IP6K1: variants seen among roughly 807,000 people sequenced by gnomAD.
IP6K1 encodes the protein ATP:1D-myo-inositol-hexakisphosphate phosphotransferase.
IP6K1 carries 13 observed loss-of-function variants against 38.3 expected under a neutral mutation model. That is an observed-to-expected ratio of 0.34 (90% CI 0.22 to 0.54). The LOEUF (loss-of-function observed/expected upper bound fraction) is 0.54. IP6K1 is among the 20% of genes least tolerant of loss of function. The pLI is 0.92. For synonymous variants in IP6K1, 212 were observed against 229.9 expected (o/e 0.92, Z 0.70); for missense variants, 397 against 599.8 (o/e 0.66, Z 3.53).
At chr3:49,752,756 CT>C (rs769412230) in intron 1 of IP6K1, among the ~76,000 whole-genome samples, 292 of 136,484 alleles carry the variant, frequency 2.1e-3, no homozygotes, top group Middle Eastern at 3.8e-3. Flanking sequence ...TGCGCCTAGC[CT>C]TTTTTTTTTT....
intron 1 of IP6K1, among the ~76,000 whole-genome samples, chr3:49,755,642 C>T (rs913228240): frequency 4.9e-4 from 74 of 152,128 alleles, no homozygotes; most frequent in Admixed American, 1.3e-4. Flanking sequence ...AAAAGAACAA[C>T]ACATAAAACT....
At chr3:49,762,838 C>T (rs186238980) in intron 1 of IP6K1, among the ~76,000 whole-genome samples, 121 of 151,740 alleles carry the variant, frequency 8.0e-4, no homozygotes, top group African/African-American at 2.5e-3. Context: ...ATGGCACAAT[C>T]CCAGCTCATG....
At position 49,728,087 on chromosome 3, in the gene IP6K1, A is replaced by T; in HGVS notation, c.792+16T>A. ...TGCAAGTGGCAGCACCTAGGCTCTG[A>T]GCAGAGGTAACTCACCTGCATGCCG... On this transcript the variant is annotated intron_variant, in intron 5 of 5. Coordinates refer to ENST00000321599, the MANE Select transcript of IP6K1 (RefSeq NM_153273.4). 1 of 1,608,024 alleles carries T rather than the reference A, an allele frequency of 6.2e-7. No homozygotes were observed. The highest frequency in any genetic ancestry group is 8.5e-7 in the Non-Finnish European group (1 of 1,176,092).
At chr3:49,774,286 T>C (rs2080986422) in intron 1 of IP6K1, among the ~76,000 whole-genome samples, 1 of 150,690 alleles carries the variant, frequency 6.6e-6, no homozygotes, top group Non-Finnish European at 1.5e-5. Flanking sequence ...CGGGTGCCTG[T>C]AGTCCCAGCT....
rs752046386 is a variant in IP6K1, at chr3:49,728,329, C to A, written c.617-51G>T. The A allele has an allele frequency of 1.1e-5, 18 of 1,578,766 alleles. No individual in the cohort carries two copies. In the South Asian group the frequency reaches 1.9e-4, roughly 17 times the overall value. On this transcript the variant is annotated intron_variant, in intron 4 of 5. Coordinates refer to ENST00000321599, the MANE Select transcript of IP6K1 (RefSeq NM_153273.4). ...AACCACACTCACCATCAGCCCCAGC[C>A]AGGAAAGCACAACCCAGTTTTTCTA...
chr3:49,768,696 G>T (rs772284386), intron 1 of IP6K1, among the ~76,000 whole-genome samples: 169 of 152,234 alleles, frequency 1.1e-3, no homozygotes, highest in Non-Finnish European at 2.0e-3. Context: ...CTTAAACCTG[G>T]GAGGCGGAGG....
chr3:49,748,556 C>T (rs1265796336), intron 1 of IP6K1, among the ~76,000 whole-genome samples: 6 of 152,144 alleles, frequency 3.9e-5, no homozygotes, highest in Non-Finnish European at 7.4e-5. Context: ...TGTTCAGACT[C>T]CTTAGGATAT....
chr3:49,765,111 T>C (rs745440175), intron 1 of IP6K1, among the ~76,000 whole-genome samples: 38 of 151,950 alleles, frequency 2.5e-4, no homozygotes, highest in Non-Finnish European at 1.5e-4. Flanking sequence ...CATATATAAG[T>C]CCTAAAGGAA....
chr3:49,734,801 C>A (rs1024959104), intron 3 of IP6K1, among the ~76,000 whole-genome samples: 1 of 152,158 alleles, frequency 6.6e-6, no homozygotes, highest in African/African-American at 2.4e-5. Context: ...CTGGATGAAG[C>A]CCCCACGGTA....
At chr3:49,781,244 G>A (rs1309480762) in intron 1 of IP6K1, among the ~76,000 whole-genome samples, 2 of 152,078 alleles carry the variant, frequency 1.3e-5, no homozygotes, top group Admixed American at 1.3e-4. Context: ...TGTATTTTTA[G>A]TAGAGACAGA....
intron 1 of IP6K1, among the ~76,000 whole-genome samples, chr3:49,771,303 G>C (rs1318195152): frequency 6.6e-6 from 1 of 151,040 alleles, no homozygotes; most frequent in Non-Finnish European, 1.5e-5. Flanking sequence ...TTCAAGTCCA[G>C]CTTGGGCAAC....
chr3:49,737,632 C>T (rs752275008), intron 3 of IP6K1, among the ~76,000 whole-genome samples: 12 of 152,248 alleles, frequency 7.9e-5, no homozygotes, highest in Non-Finnish European at 1.3e-4. Context: ...GTTGCAGTGA[C>T]GCAAGATGGC....
chr3:49,754,655 T>C (rs1172140825), intron 1 of IP6K1, among the ~76,000 whole-genome samples: 1 of 151,958 alleles, frequency 6.6e-6, no homozygotes, highest in African/African-American at 2.4e-5. Context: ...AAAGTGACAA[T>C]GAATAAAAAA....
At chr3:49,777,173 T>C (rs912141960) in intron 1 of IP6K1, among the ~76,000 whole-genome samples, 2 of 150,868 alleles carry the variant, frequency 1.3e-5, no homozygotes, top group African/African-American at 4.9e-5. Context: ...GAGGCGGAGG[T>C]TGCAGTGAGC....
chr3:49,734,392 TTC>T (rs1389947401), intron 3 of IP6K1, among the ~76,000 whole-genome samples: 4 of 124,082 alleles, frequency 3.2e-5, no homozygotes, highest in Non-Finnish European at 3.2e-5. Context: ...TTACCGTAAT[TTC>T]TTTTTTTTTT....
intron 1 of IP6K1, among the ~76,000 whole-genome samples, chr3:49,782,947 TAAAA>T (rs751486214): frequency 3.3e-5 from 2 of 60,148 alleles, no homozygotes; most frequent in Admixed American, 1.8e-4. Flanking sequence ...CCGGCTCTAC[TAAAA>T]AAAAAAAAAA....
chr3:49,775,405 C>G, intron 1 of IP6K1: 1 of 396,596 alleles, frequency 2.5e-6, no homozygotes, highest in Non-Finnish European at 4.8e-6. Context: ...TCCCTGCACT[C>G]TGGTGTGCTA....
intron 1 of IP6K1, among the ~76,000 whole-genome samples, chr3:49,749,358 A>G (rs1417312721): frequency 6.6e-6 from 1 of 152,192 alleles, no homozygotes; most frequent in African/African-American, 2.4e-5. Flanking sequence ...CTTGTACTCA[A>G]ACTCCCTCTT....
intron 1 of IP6K1, among the ~76,000 whole-genome samples, chr3:49,748,438 T>A (rs917479345): frequency 1.3e-5 from 2 of 152,222 alleles, no homozygotes; most frequent in African/African-American, 4.8e-5. Context: ...TAAAGGATTT[T>A]ATTTTAGAGC....
Sources: gnomAD v4.1 joint callset for allele counts (sites outside exome capture counted in the v4.1 genomes callset) on GRCh38, gnomAD v4.1.1 for gene constraint, MANE v1.5 for transcripts, NCBI Gene and HGNC (gene_info 2026-07-23, HGNC 2026-07-21) for gene names.